The following LRP1B variants were observed in gnomAD, a reference collection of about 807,000 sequenced individuals.
The protein encoded by LRP1B is low-density lipoprotein receptor-related protein 1B.
LRP1B carries 217 observed loss-of-function variants against 556.6 expected under a neutral mutation model. That is an observed-to-expected ratio of 0.39 (90% CI 0.35 to 0.44). The LOEUF is 0.44. LRP1B is among the 20% of genes least tolerant of loss of function. The probability of loss-of-function intolerance (pLI) is 1.00; values close to 1 mark genes in which losing one functional copy is unlikely to be tolerated. For synonymous variants in LRP1B, 2,047 were observed against 1,865.8 expected, an observed-to-expected ratio of 1.10 and a Z score of -2.50; for missense variants, 5,053 against 5,620.8, an observed-to-expected ratio of 0.90 and a Z score of 3.23.
chr2:142,058,483 C>T (rs762633971), intron 1 of LRP1B, among the ~76,000 whole-genome samples: 1 of 152,128 alleles, frequency 6.6e-6, no homozygotes, highest in Non-Finnish European at 1.5e-5. Context: ...TGCATGTGGG[C>T]CAGGATGGCT....
intron 18 of LRP1B, among the ~76,000 whole-genome samples, chr2:140,952,509 AAACAAC>A: frequency 6.6e-6 from 1 of 152,274 alleles, no homozygotes; most frequent in African/African-American, 2.4e-5. Context: ...AAAAAGAACA[AAACAAC>A]AACAACAAAA....
rs567740911 is a variant in LRP1B at position 140,986,450 on chromosome 2, A to C, written c.2770+3082T>G. 5.3e-5 allele frequency among the ~76,000 whole-genome samples: 8 copies of C among 152,280 alleles called. No homozygotes were observed. In the East Asian group the frequency reaches 1.5e-3, roughly 29 times the overall value. ...AAATCACCTTCCAAGATAGAAAATCAATTCACATACCCAGCAAGAGTGTAT... is the reference window on the plus strand; with the variant it reads ...AAATCACCTTCCAAGATAGAAAATCCATTCACATACCCAGCAAGAGTGTAT... On this transcript the variant is annotated intron_variant, in intron 17 of 90. Transcript: ENST00000389484.
chr2:140,507,268 T>A (rs1689458695), intron 52 of LRP1B, among the ~76,000 whole-genome samples: 2 of 152,192 alleles, frequency 1.3e-5, no homozygotes, highest in African/African-American at 4.8e-5. Context: ...CTAGGCTTTT[T>A]TCCTTTACTT....
Position 140,432,177 on chromosome 2 carries a change from A to T in LRP1B, c.10414+10327T>A, listed in dbSNP as rs553350288. 3.9e-5 allele frequency among the ~76,000 whole-genome samples: 6 copies of T among 152,042 alleles called. No individual in the cohort carries two copies. The South Asian group carries it at 1.3e-3, about 32-fold the overall frequency. ...TTCTCCTGGCCCATCCTGGCTCAAA[A>T]ACTCCCCTACTGAGCACCTTGTGAC... On this transcript the variant is annotated intron_variant, in intron 66 of 90. Transcript: ENST00000389484.
At chr2:141,271,336 T>TAA (rs758032052) in intron 3 of LRP1B, among the ~76,000 whole-genome samples, 1 of 142,618 alleles carries the variant, frequency 7.0e-6, no homozygotes, top group African/African-American at 2.6e-5. Flanking sequence ...ACAACAACAT[T>TAA]AAAAAAAAAA....
At chr2:141,285,309 G>A (rs924655673) in intron 3 of LRP1B, among the ~76,000 whole-genome samples, 15 of 151,050 alleles carry the variant, frequency 9.9e-5, no homozygotes, top group Non-Finnish European at 1.9e-4. Context: ...GGCTGGTCTC[G>A]AACTCCTGAC....
At chr2:140,517,974 G>C (rs1689989779) in intron 49 of LRP1B, among the ~76,000 whole-genome samples, 2 of 152,044 alleles carry the variant, frequency 1.3e-5, no homozygotes, top group South Asian at 4.1e-4. Context: ...CTCCCAAAGT[G>C]CTGGGATTAC....
chr2:142,082,021 G>T (rs572157677), intron 1 of LRP1B, among the ~76,000 whole-genome samples: 2 of 152,220 alleles, frequency 1.3e-5, no homozygotes, highest in South Asian at 4.1e-4. Flanking sequence ...ACATCATTTT[G>T]TCCATAAGTC....
At chr2:140,557,884 A>G (rs190227325) in intron 43 of LRP1B, among the ~76,000 whole-genome samples, 1 of 152,220 alleles carries the variant, frequency 6.6e-6, no homozygotes, top group Non-Finnish European at 1.5e-5. Context: ...TTTATGGCTT[A>G]TTATCTGTCT....
At chr2:141,349,536 C>T (rs1020898867) in intron 3 of LRP1B, among the ~76,000 whole-genome samples, 1 of 152,060 alleles carries the variant, frequency 6.6e-6, no homozygotes, top group Non-Finnish European at 1.5e-5. Flanking sequence ...AATTTTGAGA[C>T]AAACTCTCTC....
rs1194916813 is a variant in LRP1B, at chr2:142,115,571, AT to A, written c.82+15076del. Reference sequence around the variant, plus strand: ...TATATATATTATATATGTAATATATATTATATATGTAATATATATATTATAT... The same window carrying A: ...TATATATATTATATATGTAATATATATATATATGTAATATATATATTATAT... On this transcript the variant is annotated intron_variant, in intron 1 of 90. Transcript: ENST00000389484. 3.9e-4 allele frequency among the ~76,000 whole-genome samples: 17 copies of A among 43,842 alleles called. 1 individual carries two copies. Among genetic ancestry groups the A allele is most frequent in the African/African-American group, 7.5e-4 (10 of 13,292 alleles). The allele number at this position is 43,842 out of a possible 152,430, so 28.8% of individuals were successfully genotyped here.
At chr2:140,895,498 G>C (rs1230095620) in intron 23 of LRP1B, among the ~76,000 whole-genome samples, 1 of 148,758 alleles carries the variant, frequency 6.7e-6, no homozygotes, top group African/African-American at 2.6e-5. Flanking sequence ...GAATGCTTCA[G>C]GTCACCTCAC....
rs371452540 is a variant in LRP1B at position 141,102,464 on chromosome 2, G to A, written c.1014-40191C>T. ...GATTATTGCAGCGACAAACATAACC[G>A]TGCTCATATCTATCCACCTATATCG... On this transcript the variant is annotated intron_variant, in intron 7 of 90. Transcript: ENST00000389484. 7.9e-5 allele frequency among the ~76,000 whole-genome samples: 12 copies of A among 152,082 alleles called. No individual in the cohort carries two copies. The South Asian group carries it at 8.3e-4, about 11-fold the overall frequency.
rs1692862206 is a variant in LRP1B, at chr2:140,863,577, C to T, written c.4579+4013G>A. The stretch of plus-strand genomic sequence containing the variant: ...ATTTGAGTGTGAGCATGATCTGACC[C>T]CTGCCCAATCTTGTCTCTGATTTAT... On this transcript the variant is annotated intron_variant, in intron 27 of 90. Transcript: ENST00000389484. 2.6e-5 allele frequency among the ~76,000 whole-genome samples: 4 copies of T among 152,170 alleles called. No individual in the cohort carries two copies. The South Asian group carries it at 8.3e-4, about 32-fold the overall frequency.
chr2:141,180,402 C>A (rs1265924220), intron 7 of LRP1B, among the ~76,000 whole-genome samples: 7 of 151,324 alleles, frequency 4.6e-5, no homozygotes, highest in African/African-American at 1.2e-4. Context: ...TAAAATTATT[C>A]TTTTATGCTA....
intron 35 of LRP1B, among the ~76,000 whole-genome samples, chr2:140,766,401 A>C (rs1188506986): frequency 1.3e-5 from 2 of 152,026 alleles, no homozygotes; most frequent in East Asian, 3.9e-4. Flanking sequence ...ATATATTTTC[A>C]TAAAACACAG....
At chr2:141,225,031 G>A (rs1179897559) in intron 6 of LRP1B, among the ~76,000 whole-genome samples, 2 of 152,068 alleles carry the variant, frequency 1.3e-5, no homozygotes, top group Non-Finnish European at 1.5e-5. Flanking sequence ...ATGCAATAAG[G>A]ACGTAATTTA....
chr2:141,464,058 T>C (rs1479364610), intron 3 of LRP1B, among the ~76,000 whole-genome samples: 4 of 151,882 alleles, frequency 2.6e-5, no homozygotes, highest in African/African-American at 9.7e-5. Flanking sequence ...CTAGAAAAAG[T>C]ATGCTGTCCT....
intron 1 of LRP1B, among the ~76,000 whole-genome samples, chr2:141,939,067 C>G (rs772823862): frequency 2.0e-5 from 3 of 151,748 alleles, no homozygotes; most frequent in African/African-American, 7.3e-5. Context: ...GTCTAGAGAT[C>G]AATGTACAGC....
Sources: gnomAD v4.1 joint callset for allele counts (sites outside exome capture counted in the v4.1 genomes callset) on GRCh38, gnomAD v4.1.1 for gene constraint, MANE v1.5 for transcripts, NCBI Gene and HGNC (gene_info 2026-07-23, HGNC 2026-07-21) for gene names.